LRRC20: variants seen among roughly 807,000 people sequenced by gnomAD.
LRRC20 encodes leucine rich repeat containing 20.
In LRRC20, 11 loss-of-function variants were observed where a neutral mutation model predicts 14.4. That is an observed-to-expected ratio of 0.77 (90% CI 0.48 to 1.27). The LOEUF (loss-of-function observed/expected upper bound fraction) is 1.27. LRRC20 is among the 50% of genes most tolerant of loss of function. The probability of loss-of-function intolerance (pLI) is 0.00; values close to 1 mark genes in which losing one functional copy is unlikely to be tolerated. For missense variants in LRRC20, 219 were observed against 251.2 expected (o/e 0.87, Z 0.87); for synonymous variants, 121 against 107.3 (o/e 1.13, Z -0.79).
At chr10:70,313,212 T>A (rs776647134) in intron 4 of LRRC20, among the ~76,000 whole-genome samples, 15 of 152,202 alleles carry the variant, frequency 9.9e-5, no homozygotes, top group Admixed American at 2.0e-4. Context: ...CTCCCCGCCC[T>A]CTGCACCCTC....
intron 2 of LRRC20, among the ~76,000 whole-genome samples, chr10:70,366,069 C>CA (rs67374739): frequency 1.5e-4 from 19 of 128,772 alleles, no homozygotes; most frequent in African/African-American, 3.6e-4. Context: ...GACTCCAGCT[C>CA]AAAAAAAAAA....
chr10:70,376,622 T>A, intron 1 of LRRC20, 26 bp from the exon 2 acceptor site: 1 of 1,255,960 alleles, frequency 8.0e-7, no homozygotes, highest in Non-Finnish European at 1.1e-6. Context: ...TGCCATGAAG[T>A]GCCCGCCTGC....
chr10:70,368,813 G>C (rs992564894), intron 2 of LRRC20, among the ~76,000 whole-genome samples: 4 of 151,606 alleles, frequency 2.6e-5, no homozygotes, highest in African/African-American at 9.7e-5. Context: ...AGTAGAGATG[G>C]GGTTTCACCG....
chr10:70,346,445 G>A (rs1482363385), intron 2 of LRRC20, among the ~76,000 whole-genome samples: 1 of 152,242 alleles, frequency 6.6e-6, no homozygotes, highest in African/African-American at 2.4e-5. Flanking sequence ...TTAACCATTT[G>A]TTTCCCCTAT....
At chr10:70,324,139 G>C (rs1842220531) in intron 3 of LRRC20, 109 bp from the exon 4 acceptor site, 2 of 959,132 alleles carry the variant, frequency 2.1e-6, no homozygotes, top group Non-Finnish European at 1.6e-6. Flanking sequence ...AAGGCACAGA[G>C]GAAGCCCTAG....
chr10:70,340,935 C>G (rs745971761), intron 2 of LRRC20, among the ~76,000 whole-genome samples: 36 of 152,314 alleles, frequency 2.4e-4, no homozygotes, highest in Non-Finnish European at 4.4e-4. Context: ...TTTGTGTTAG[C>G]ACCATCTCTG....
chr10:70,377,871 C>A (rs898900297), intron 1 of LRRC20, among the ~76,000 whole-genome samples: 8 of 152,204 alleles, frequency 5.3e-5, no homozygotes, highest in African/African-American at 1.7e-4. Flanking sequence ...AGGTTTGAGA[C>A]ACACACATAC....
chr10:70,322,438 G>A (rs941756628), intron 4 of LRRC20, among the ~76,000 whole-genome samples: 6 of 152,198 alleles, frequency 3.9e-5, no homozygotes, highest in South Asian at 2.1e-4. Context: ...GGAATGCAGG[G>A]GGCAAAGGGC....
chr10:70,358,748 T>G (rs1564639125), intron 2 of LRRC20, among the ~76,000 whole-genome samples: 1 of 151,894 alleles, frequency 6.6e-6, no homozygotes, highest in Non-Finnish European at 1.5e-5. Context: ...GGCACCCACC[T>G]CAAACCTCAG....
chr10:70,363,556 A>G (rs1843837980), intron 2 of LRRC20, among the ~76,000 whole-genome samples: 1 of 152,216 alleles, frequency 6.6e-6, no homozygotes, highest in Non-Finnish European at 1.5e-5. Flanking sequence ...ATCTTGCCTC[A>G]AGTGGGTAGA....
At chr10:70,372,541 A>C (rs1844323801) in intron 2 of LRRC20, among the ~76,000 whole-genome samples, 1 of 149,238 alleles carries the variant, frequency 6.7e-6, no homozygotes, top group Non-Finnish European at 1.5e-5. Context: ...TCCCAGGTTC[A>C]CACCATTCTC....
At chr10:70,315,952 T>G (rs974513101) in intron 4 of LRRC20, among the ~76,000 whole-genome samples, 6 of 152,130 alleles carry the variant, frequency 3.9e-5, no homozygotes, top group Admixed American at 3.9e-4. Context: ...CATACCCATG[T>G]CCATATCCCC....
At chr10:70,382,116 T>A (rs1844728638) in intron 1 of LRRC20, among the ~76,000 whole-genome samples, 1 of 152,194 alleles carries the variant, frequency 6.6e-6, no homozygotes, top group African/African-American at 2.4e-5. Flanking sequence ...AGAGGCACGC[T>A]CTGGAGCAGG....
chr10:70,375,101 G>C (rs908148880), intron 2 of LRRC20, among the ~76,000 whole-genome samples: 1 of 152,076 alleles, frequency 6.6e-6, no homozygotes, highest in Non-Finnish European at 1.5e-5. Context: ...CCATATTACT[G>C]ACCAGTACAG....
chr10:70,342,535 C>T (rs934349470), intron 2 of LRRC20, among the ~76,000 whole-genome samples: 3 of 152,122 alleles, frequency 2.0e-5, no homozygotes, highest in Admixed American at 6.6e-5. Context: ...CTGTCCAGTT[C>T]ATCAAGGTGT....
At chr10:70,373,965 C>T (rs913678861) in intron 2 of LRRC20, among the ~76,000 whole-genome samples, 1 of 152,204 alleles carries the variant, frequency 6.6e-6, no homozygotes, top group Non-Finnish European at 1.5e-5. Flanking sequence ...ATGCAGGGTG[C>T]CCACTCTTCA....
intron 3 of LRRC20, among the ~76,000 whole-genome samples, chr10:70,335,477 T>TGGCCCA (rs1842699790): frequency 6.6e-6 from 1 of 152,212 alleles, no homozygotes; most frequent in African/African-American, 2.4e-5. Context: ...CCGGCTGCCC[T>TGGCCCA]GGCCCAGGCC....
At chr10:70,329,916 G>A (rs779707329) in intron 3 of LRRC20, among the ~76,000 whole-genome samples, 35 of 152,286 alleles carry the variant, frequency 2.3e-4, no homozygotes, top group Non-Finnish European at 4.4e-4. Context: ...GTTGGACCCA[G>A]ACTTGCATAC....
chr10:70,305,845 A>G (rs1441042291), intron 4 of LRRC20, among the ~76,000 whole-genome samples: 1 of 149,764 alleles, frequency 6.7e-6, no homozygotes, highest in African/African-American at 2.5e-5. Flanking sequence ...GGTTCACGCC[A>G]TTCTCCTGCC....
Sources: gnomAD v4.1 joint callset for allele counts (sites outside exome capture counted in the v4.1 genomes callset) on GRCh38, gnomAD v4.1.1 for gene constraint, MANE v1.5 for transcripts, NCBI Gene and HGNC (gene_info 2026-07-23, HGNC 2026-07-21) for gene names.